Variants in DCDC1 observed in about 807,000 individuals in gnomAD.
DCDC1 encodes the protein doublecortin domain containing 1, also known as doublecortin domain-containing protein 1.
DCDC1 carries 200 observed loss-of-function variants against 178.3 expected under a neutral mutation model. The ratio of observed to expected loss-of-function variants is 1.12; its 90% CI spans 1.00 to 1.26. The LOEUF (loss-of-function observed/expected upper bound fraction) is 1.26, where lower values mean the gene tolerates loss of function less well. Among genes scored for constraint, DCDC1 ranks in the 50% most tolerant of loss-of-function variants. The probability of loss-of-function intolerance (pLI) is 0.00; values close to 1 mark genes in which losing one functional copy is unlikely to be tolerated. For missense variants in DCDC1, 1,983 were observed against 1,749.2 expected, an observed-to-expected ratio of 1.13 and a Z score of -2.38; for synonymous variants, 690 against 604.8, an observed-to-expected ratio of 1.14 and a Z score of -2.07.
rs74916225 is a variant in DCDC1 at position 31,287,813 on chromosome 11, G to C, written c.960+2834C>G. On this transcript the variant is annotated intron_variant, in intron 7 of 38. Coordinates refer to ENST00000684477, the MANE Select transcript of DCDC1 (RefSeq NM_001387274.1). ...GGGAAAAGAAATCCAACAAAGGAGA[G>C]AGAGAACGATAACTCCCAGGTTGAT... Among the ~76,000 whole-genome samples the C allele has an allele frequency of 5.9e-3, 903 of 151,790 alleles. 9 individuals carry two copies. Among genetic ancestry groups the C allele is most frequent in the African/African-American group, 0.02 (841 of 41,478 alleles).
At chr11:31,275,559 C>CA (rs1381111282) in intron 7 of DCDC1, among the ~76,000 whole-genome samples, 9 of 152,120 alleles carry the variant, frequency 5.9e-5, no homozygotes, top group African/African-American at 9.7e-5. Flanking sequence ...GGCTGGAGTG[C>CA]AATGGCTTGA....
chr11:31,215,664 G>T (rs1474963122), intron 9 of DCDC1, among the ~76,000 whole-genome samples: 1 of 151,912 alleles, frequency 6.6e-6, no homozygotes, highest in Non-Finnish European at 1.5e-5. Context: ...ATGGTGGTGT[G>T]CGCCTATAGT....
intron 36 of DCDC1, among the ~76,000 whole-genome samples, chr11:30,887,227 T>C (rs1943255566): frequency 6.6e-6 from 1 of 152,320 alleles, no homozygotes; most frequent in Admixed American, 6.5e-5. Flanking sequence ...TGTTCAATAT[T>C]TTATCTTCAT....
In DCDC1 at chr11:31,305,635, T is replaced by C. The variant is rs371803297; in HGVS notation, c.734A>G (p.Asn245Ser). 1.9e-6 allele frequency: 3 copies of C among 1,613,708 alleles called. No homozygotes were observed. Among genetic ancestry groups the C allele is most frequent in the Non-Finnish European group, 2.5e-6 (3 of 1,179,712 alleles). Residue 245 changes from asparagine (N) to serine (S), a missense_variant, in exon 6 of 39, where the codon AAT (asparagine) becomes AGT (serine). Transcript: ENST00000684477. ...VYVSTGEPFLNPFKKIKDHLL... is the reference protein window; with the variant it reads ...VYVSTGEPFLSPFKKIKDHLL... ...TTTACCTTTAATTTTTTTGAATGGA[T>C]TTAAAAAGGGCTCTCCCGTTGAAAC...
intron 20 of DCDC1, among the ~76,000 whole-genome samples, chr11:31,054,112 G>T (rs779407314): frequency 4.0e-5 from 6 of 151,822 alleles, no homozygotes; most frequent in Non-Finnish European, 5.9e-5. Flanking sequence ...ACTAATAAAA[G>T]AATTCGGCAA....
At chr11:31,342,782 T>C (rs1286866792) in intron 1 of DCDC1, among the ~76,000 whole-genome samples, 2 of 152,208 alleles carry the variant, frequency 1.3e-5, no homozygotes, top group East Asian at 1.9e-4. Flanking sequence ...CCACTGACTG[T>C]CCTGGTGTGT....
At chr11:30,935,308 G>C (rs1947205297) in intron 21 of DCDC1, among the ~76,000 whole-genome samples, 1 of 152,118 alleles carries the variant, frequency 6.6e-6, no homozygotes, top group Non-Finnish European at 1.5e-5. Context: ...TCTGGTTCAG[G>C]GCAAAGATAT....
At chr11:30,930,840 T>C (rs928763227) in intron 22 of DCDC1, among the ~76,000 whole-genome samples, 1 of 152,162 alleles carries the variant, frequency 6.6e-6, no homozygotes, top group Admixed American at 6.6e-5. Context: ...TCTAGCAGAA[T>C]GAGCTAATTA....
Position 31,357,407 on chromosome 11 carries a change from T to G in DCDC1, c.-125+12290A>C, listed in dbSNP as rs1336513013. ...CAACTACGCTTCATGCTAAAAACTC[T>G]CAATAAATTAGGTATTGATGGGACG... On this transcript the variant is annotated intron_variant, in intron 1 of 38. Coordinates refer to ENST00000684477, the MANE Select transcript of DCDC1 (RefSeq NM_001387274.1). Among the ~76,000 whole-genome samples, 185 of 148,062 alleles carry G rather than the reference T, an allele frequency of 1.2e-3. 1 individual carries two copies. The highest frequency in any genetic ancestry group is 4.4e-3 in the African/African-American group (176 of 39,646).
chr11:31,161,570 G>C (rs1966315612), intron 9 of DCDC1, among the ~76,000 whole-genome samples: 1 of 152,112 alleles, frequency 6.6e-6, no homozygotes, highest in Non-Finnish European at 1.5e-5. Flanking sequence ...CAAAATAAGA[G>C]TACCAACACT....
chr11:31,330,473 A>G (rs1198905469), intron 2 of DCDC1, among the ~76,000 whole-genome samples: 1 of 152,160 alleles, frequency 6.6e-6, no homozygotes, highest in Non-Finnish European at 1.5e-5. Flanking sequence ...GTCCTTGCCC[A>G]TGCCTATGTC....
chr11:31,262,986 G>C, intron 8 of DCDC1: 1 of 1,548,370 alleles, frequency 6.5e-7, no homozygotes, highest in Non-Finnish European at 8.8e-7. Context: ...TGTGATAATA[G>C]CACACTTCTG....
intron 20 of DCDC1, among the ~76,000 whole-genome samples, chr11:31,015,162 G>T (rs1952416394): frequency 2.6e-5 from 4 of 151,798 alleles, no homozygotes; most frequent in Non-Finnish European, 2.9e-5. Context: ...TTTAGCCAGG[G>T]TGGTCTCGAT....
intron 3 of DCDC1, among the ~76,000 whole-genome samples, chr11:31,308,821 T>C (rs1265992049): frequency 2.0e-5 from 3 of 152,240 alleles, no homozygotes; most frequent in South Asian, 2.1e-4. Flanking sequence ...ACATAGAGGA[T>C]AGTCAGGTTC....
At chr11:31,323,555 T>A (rs946510439) in intron 3 of DCDC1, among the ~76,000 whole-genome samples, 1 of 152,328 alleles carries the variant, frequency 6.6e-6, no homozygotes, top group African/African-American at 2.4e-5. Context: ...GACAAGCATA[T>A]ATTTCTTGCT....
At chr11:30,939,499 A>T (rs778993449) in intron 21 of DCDC1, among the ~76,000 whole-genome samples, 2 of 152,246 alleles carry the variant, frequency 1.3e-5, no homozygotes, top group African/African-American at 2.4e-5. Context: ...CAGTCACAAC[A>T]GGTAATTTAT....
intron 20 of DCDC1, among the ~76,000 whole-genome samples, chr11:31,002,506 C>T (rs954812387): frequency 3.9e-5 from 6 of 152,150 alleles, no homozygotes; most frequent in Non-Finnish European, 7.4e-5. Context: ...GGATGGAAGA[C>T]TAACAATGAT....
In DCDC1 at chr11:31,283,973, T is replaced by TCC. The variant is rs773703424; in HGVS notation, c.960+6673_960+6674insGG. 2.7e-5 allele frequency among the ~76,000 whole-genome samples: 4 copies of TCC among 147,550 alleles called. No individual in the cohort carries two copies. The East Asian group carries it at 6.0e-4, about 22-fold the overall frequency. On this transcript the variant is annotated intron_variant, in intron 7 of 38. Coordinates refer to ENST00000684477, the MANE Select transcript of DCDC1 (RefSeq NM_001387274.1). The stretch of plus-strand genomic sequence containing the variant: ...CTCTCTCTCTCACTCTTTCCCTCCC[T>TCC]CTCTCTCTCTCTCTCTCTCTACTAC...
chr11:31,258,253 G>A (rs1944545856), intron 8 of DCDC1, among the ~76,000 whole-genome samples: 1 of 152,144 alleles, frequency 6.6e-6, no homozygotes, highest in Non-Finnish European at 1.5e-5. Context: ...TACATCCTGG[G>A]TAGGATTATT....
Sources: gnomAD v4.1 joint callset for allele counts (sites outside exome capture counted in the v4.1 genomes callset) on GRCh38, gnomAD v4.1.1 for gene constraint, MANE v1.5 for transcripts, NCBI Gene and HGNC (gene_info 2026-07-23, HGNC 2026-07-21) for gene names.